Variants in VPS37A observed in about 807,000 individuals in gnomAD.
The protein encoded by VPS37A is vacuolar protein sorting-associated protein 37A.
VPS37A carries 30 observed loss-of-function variants against 49.8 expected under a neutral mutation model. The observed-to-expected ratio is 0.60, with a 90% CI of 0.45 to 0.82. The LOEUF (loss-of-function observed/expected upper bound fraction) is 0.82, where lower values mean the gene tolerates loss of function less well. VPS37A is among the 40% of genes least tolerant of loss of function. VPS37A has a pLI of 0.00. For synonymous variants in VPS37A, 195 were observed against 160.6 expected (o/e 1.21, Z -1.62); for missense variants, 593 against 464.4 (o/e 1.28, Z -2.55).
chr8:17,273,117 T>C (rs893226202), intron 4 of VPS37A, among the ~76,000 whole-genome samples: 2 of 149,156 alleles, frequency 1.3e-5, no homozygotes, highest in African/African-American at 4.9e-5. Context: ...CACTTCCTCA[T>C]TATTCCTTAT....
At chr8:17,258,941 C>T (rs1812731218) in intron 1 of VPS37A, among the ~76,000 whole-genome samples, 1 of 151,994 alleles carries the variant, frequency 6.6e-6, no homozygotes, top group Non-Finnish European at 1.5e-5. Context: ...GTTCTGTGGT[C>T]TCAGTTGTCA....
At chr8:17,320,503 A>C in the VPS37A span, among the ~76,000 whole-genome samples, 2 of 152,270 alleles carry the variant, frequency 1.3e-5, no homozygotes, top group African/African-American at 4.8e-5. Flanking sequence ...GAGGCAGGTC[A>C]TGTAATCGTA....
At chr8:17,299,685 G>A (rs184571999), downstream of VPS37A, 20 of 754,580 alleles carry the variant, frequency 2.7e-5, no homozygotes, top group East Asian at 5.4e-5. Flanking sequence ...AAATGACTAC[G>A]TCCTCTTCAG....
chr8:17,314,593 A>G, the VPS37A span, among the ~76,000 whole-genome samples: 5,221 of 152,272 alleles, frequency 0.034, 321 homozygotes, highest in African/African-American at 0.12. Context: ...ATTCACTGTG[A>G]TTTCCTGCAG....
intron 1 of VPS37A, among the ~76,000 whole-genome samples, chr8:17,263,033 C>T (rs574029762): frequency 4.7e-5 from 7 of 149,228 alleles, no homozygotes; most frequent in African/African-American, 1.5e-4. Flanking sequence ...TGCACTCCAG[C>T]CTGATGACTG....
At chr8:17,309,112 T>C in the VPS37A span, among the ~76,000 whole-genome samples, 2 of 152,240 alleles carry the variant, frequency 1.3e-5, no homozygotes, top group African/African-American at 4.8e-5. Context: ...GAATCAGTTA[T>C]AACTTCATTT....
At chr8:17,261,275 A>G (rs1812937233) in intron 1 of VPS37A, among the ~76,000 whole-genome samples, 1 of 152,114 alleles carries the variant, frequency 6.6e-6, no homozygotes, top group East Asian at 1.9e-4. Flanking sequence ...AATGTATTTC[A>G]GTTCAGCAAA....
At chr8:17,276,909 A>G (rs1814567895) in intron 6 of VPS37A, among the ~76,000 whole-genome samples, 1 of 152,120 alleles carries the variant, frequency 6.6e-6, no homozygotes, top group Non-Finnish European at 1.5e-5. Flanking sequence ...AATTTATAGC[A>G]GAAAAGTTTA....
intron 4 of VPS37A, 92 bp from the exon 5 acceptor site, chr8:17,274,641 A>T: frequency 1.1e-6 from 1 of 940,594 alleles, no homozygotes; most frequent in Non-Finnish European, 1.6e-6. Context: ...TCTATATAGT[A>T]CTTGACCTTT....
At chr8:17,318,434 A>G in the VPS37A span, among the ~76,000 whole-genome samples, 1 of 152,136 alleles carries the variant, frequency 6.6e-6, no homozygotes, top group Admixed American at 6.5e-5. Flanking sequence ...TGAGCACCCC[A>G]AGACCCCGAT....
the VPS37A span, among the ~76,000 whole-genome samples, chr8:17,322,954 T>TC: frequency 6.7e-6 from 1 of 148,386 alleles, no homozygotes; most frequent in Non-Finnish European, 1.5e-5. Context: ...AATTATCTTT[T>TC]TTTTTTTTTT....
downstream of VPS37A, among the ~76,000 whole-genome samples, chr8:17,302,704 C>CCG (rs66521951): frequency 7.9e-5 from 1 of 12,616 alleles, no homozygotes; most frequent in Non-Finnish European, 3.9e-4. Context: ...TTGGCAATAA[C>CCG]CCCCCCCCCC....
downstream of VPS37A, among the ~76,000 whole-genome samples, chr8:17,302,840 G>A (rs1057362138): frequency 6.6e-6 from 1 of 150,544 alleles, no homozygotes; most frequent in Admixed American, 6.7e-5. Context: ...AGCCTCCCAA[G>A]TACCTGGGAT....
the VPS37A span, chr8:17,326,253 A>G: frequency 6.6e-6 from 1 of 152,166 alleles, no homozygotes; most frequent in Non-Finnish European, 1.5e-5. Context: ...TTGAGCTGAA[A>G]CAGGTTTCTC....
At chr8:17,305,833 G>C (rs1285232350), downstream of VPS37A, 4 of 1,613,468 alleles carry the variant, frequency 2.5e-6, no homozygotes, top group Non-Finnish European at 3.4e-6. Flanking sequence ...TGTTGAATGT[G>C]AATCAAAAAC....
chr8:17,293,143 T>C (rs770292713), intron 11 of VPS37A, among the ~76,000 whole-genome samples: 12 of 152,006 alleles, frequency 7.9e-5, no homozygotes, highest in Admixed American at 5.9e-4. Context: ...GAGGCTTTGT[T>C]TGTTCCTTTT....
chr8:17,316,232 G>T, the VPS37A span, among the ~76,000 whole-genome samples: 2 of 151,674 alleles, frequency 1.3e-5, no homozygotes, highest in African/African-American at 2.4e-5. Flanking sequence ...ATTTATGTTA[G>T]CCCTTATTAC....
At chr8:17,272,762 T>C (rs1814113840) in intron 4 of VPS37A, among the ~76,000 whole-genome samples, 1 of 152,172 alleles carries the variant, frequency 6.6e-6, no homozygotes, top group African/African-American at 2.4e-5. Context: ...ATGAACAAGC[T>C]GATTAGAAAA....
downstream of VPS37A, chr8:17,305,920 G>T (rs773062624): frequency 1.9e-6 from 3 of 1,613,612 alleles, no homozygotes; most frequent in Non-Finnish European, 2.5e-6. Flanking sequence ...TCAATAACTG[G>T]AGAGATTTCT....
Sources: allele counts gnomAD v4.1 joint callset (sites outside exome capture counted in the v4.1 genomes callset), GRCh38; gene constraint gnomAD v4.1.1; transcripts MANE v1.5; gene names NCBI Gene and HGNC (gene_info 2026-07-23, HGNC 2026-07-21).